Variants in MECOM observed in about 807,000 individuals in gnomAD.
MECOM encodes MDS1 and EVI1 complex locus.
MECOM carries 13 observed loss-of-function variants against 116.3 expected under a neutral mutation model. The ratio of observed to expected loss-of-function variants is 0.11; its 90% CI spans 0.07 to 0.18. The LOEUF is 0.18. Among genes scored for constraint, MECOM ranks in the 10% least tolerant of loss-of-function variants. The pLI, the probability that MECOM is intolerant of heterozygous loss-of-function variation, is 1.00. For synonymous variants in MECOM, 528 were observed against 535.2 expected (o/e 0.99, Z 0.19); for missense variants, 1,299 against 1,509.0 (o/e 0.86, Z 2.31).
At chr3:169,311,032 G>T (rs763570067) in intron 2 of MECOM, among the ~76,000 whole-genome samples, 1 of 152,146 alleles carries the variant, frequency 6.6e-6, no homozygotes, top group Non-Finnish European at 1.5e-5. Context: ...GGGAAAACAG[G>T]TATTACATTT....
chr3:169,280,767 T>C (rs1219322151), intron 2 of MECOM, among the ~76,000 whole-genome samples: 1 of 152,170 alleles, frequency 6.6e-6, no homozygotes, highest in Non-Finnish European at 1.5e-5. Context: ...TGACATTGTA[T>C]TTTAGACAGA....
At chr3:169,505,653 T>C (rs1755120129) in intron 1 of MECOM, among the ~76,000 whole-genome samples, 1 of 152,232 alleles carries the variant, frequency 6.6e-6, no homozygotes, top group African/African-American at 2.4e-5. Flanking sequence ...ACTATAGTCA[T>C]CAGTCTGTCC....
At chr3:169,609,318 C>T (rs1028418914) in intron 1 of MECOM, among the ~76,000 whole-genome samples, 5 of 152,222 alleles carry the variant, frequency 3.3e-5, no homozygotes, top group African/African-American at 1.2e-4. Flanking sequence ...GACTCTGAAT[C>T]AAAACTATTT....
chr3:169,437,333 T>C (rs1363282523), intron 1 of MECOM, among the ~76,000 whole-genome samples: 4 of 152,220 alleles, frequency 2.6e-5, no homozygotes, highest in Non-Finnish European at 5.9e-5. Flanking sequence ...ATCTATTAAA[T>C]TGGGTCTCAG....
At chr3:169,382,961 T>A (rs9859411) in intron 1 of MECOM, among the ~76,000 whole-genome samples, 1 of 150,640 alleles carries the variant, frequency 6.6e-6, no homozygotes, top group East Asian at 2.0e-4. Context: ...GGATGATGCA[T>A]CATCCCTAAC....
At chr3:169,553,291 G>T (rs1056638911) in intron 1 of MECOM, among the ~76,000 whole-genome samples, 1 of 151,682 alleles carries the variant, frequency 6.6e-6, no homozygotes, top group African/African-American at 2.4e-5. Flanking sequence ...TTTTAGAAGG[G>T]GATAATAAGC....
intron 2 of MECOM, among the ~76,000 whole-genome samples, chr3:169,367,349 ATT>A (rs3980666): frequency 6.7e-6 from 1 of 150,312 alleles, no homozygotes; most frequent in Non-Finnish European, 1.5e-5. Context: ...TTGGTTTTTA[ATT>A]TTTTTTTTGT....
chr3:169,088,582 C>T (rs1439431662), intron 16 of MECOM, among the ~76,000 whole-genome samples: 1 of 152,080 alleles, frequency 6.6e-6, no homozygotes, highest in Non-Finnish European at 1.5e-5. Flanking sequence ...ATTTACTAGA[C>T]ATAGAAGGGG....
At chr3:169,479,770 C>G (rs778459391) in intron 1 of MECOM, among the ~76,000 whole-genome samples, 2 of 151,846 alleles carry the variant, frequency 1.3e-5, no homozygotes, top group Non-Finnish European at 2.9e-5. Flanking sequence ...AATTTTATGG[C>G]CTTTTCCTTA....
At chr3:169,508,255 T>C (rs1056348933) in intron 1 of MECOM, among the ~76,000 whole-genome samples, 1 of 152,108 alleles carries the variant, frequency 6.6e-6, no homozygotes, top group South Asian at 2.1e-4. Context: ...ATTCTCTATT[T>C]TCTCCTATCC....
At chr3:169,365,172 G>A (rs1416288010) in intron 2 of MECOM, among the ~76,000 whole-genome samples, 1 of 151,920 alleles carries the variant, frequency 6.6e-6, no homozygotes, top group Non-Finnish European at 1.5e-5. Context: ...CAGTGTAAGG[G>A]TTTTATCTTA....
intron 1 of MECOM, among the ~76,000 whole-genome samples, chr3:169,553,415 T>C (rs1761641085): frequency 6.6e-6 from 1 of 152,204 alleles, no homozygotes; most frequent in South Asian, 2.1e-4. Context: ...GAAGCTACTG[T>C]ACAGCAGAAA....
chr3:169,484,275 CAA>C (rs1240125930), intron 1 of MECOM, among the ~76,000 whole-genome samples: 1 of 148,532 alleles, frequency 6.7e-6, no homozygotes, highest in Non-Finnish European at 1.5e-5. Context: ...TAAAAAGAAA[CAA>C]AAGAGAAAAA....
At chr3:169,449,713 C>T (rs1402737435) in intron 1 of MECOM, among the ~76,000 whole-genome samples, 1 of 152,090 alleles carries the variant, frequency 6.6e-6, no homozygotes, top group Non-Finnish European at 1.5e-5. Context: ...CAACTACATG[C>T]ATGTATGTCT....
At chr3:169,482,685 T>C (rs7617663) in intron 1 of MECOM, among the ~76,000 whole-genome samples, 6,581 of 152,180 alleles carry the variant, frequency 0.043, 214 homozygotes, top group African/African-American at 0.092. Flanking sequence ...GTGCTCATTG[T>C]CTCCTTGGCA....
Position 169,487,126 on chromosome 3 carries a change from G to A in MECOM, c.38-105602C>T, listed in dbSNP as rs904167770. On this transcript the variant is annotated intron_variant, in intron 1 of 16. Coordinates refer to ENST00000651503, the MANE Select transcript of MECOM (RefSeq NM_004991.4). ...AAAGAGTAAAATAAAGATATTTTCA[G>A]ACAGACAAAGGTGAAGAGAAGTTAC... Among the ~76,000 whole-genome samples the A allele has an allele frequency of 6.6e-5, 10 of 151,416 alleles. 1 individual carries two copies. Among genetic ancestry groups the A allele is most frequent in the African/African-American group, 2.4e-4 (10 of 41,134 alleles).
chr3:169,255,693 T>C (rs1756778247), intron 2 of MECOM, among the ~76,000 whole-genome samples: 1 of 152,154 alleles, frequency 6.6e-6, no homozygotes, highest in African/African-American at 2.4e-5. Context: ...TGCACTGTTA[T>C]GACAACCATC....
At chr3:169,373,068 T>C (rs544318321) in intron 2 of MECOM, among the ~76,000 whole-genome samples, 1 of 152,148 alleles carries the variant, frequency 6.6e-6, no homozygotes, top group Middle Eastern at 3.4e-3. Context: ...TCCGTAACTC[T>C]AAAGTTCATA....
At chr3:169,631,343 G>A (rs191188075) in intron 1 of MECOM, among the ~76,000 whole-genome samples, 1 of 152,298 alleles carries the variant, frequency 6.6e-6, no homozygotes, top group Admixed American at 6.5e-5. Flanking sequence ...TGCTATAATA[G>A]AGGGAATCAT....
Sources: allele counts gnomAD v4.1 joint callset (sites outside exome capture counted in the v4.1 genomes callset), GRCh38; gene constraint gnomAD v4.1.1; transcripts MANE v1.5; gene names NCBI Gene and HGNC (gene_info 2026-07-23, HGNC 2026-07-21).